The following COLEC12 variants were observed in gnomAD, a reference collection of about 807,000 sequenced individuals.
COLEC12 encodes collectin subfamily member 12, also known as collectin-12.
In COLEC12, 33 loss-of-function variants were observed where a neutral mutation model predicts 71.1. That is an observed-to-expected ratio of 0.46 (90% CI 0.35 to 0.62). The LOEUF (loss-of-function observed/expected upper bound fraction) is 0.62, where lower values mean the gene tolerates loss of function less well. Ranked by LOEUF, COLEC12 falls within the 20% of genes least tolerant of loss-of-function variation. COLEC12 has a pLI of 0.00. For synonymous variants in COLEC12, 350 were observed against 353.0 expected, an observed-to-expected ratio of 0.99 and a Z score of 0.10; for missense variants, 765 against 916.1, an observed-to-expected ratio of 0.84 and a Z score of 2.13.
intron 2 of COLEC12, among the ~76,000 whole-genome samples, chr18:359,654 A>T (rs1914701462): frequency 6.6e-6 from 1 of 152,256 alleles, no homozygotes; most frequent in South Asian, 2.1e-4. Flanking sequence ...TTAGAAACAC[A>T]CACAAGACAA....
At chr18:425,035 T>C (rs1009862291) in intron 2 of COLEC12, among the ~76,000 whole-genome samples, 1 of 152,216 alleles carries the variant, frequency 6.6e-6, no homozygotes, top group Non-Finnish European at 1.5e-5. Flanking sequence ...GTTTTTTTCC[T>C]TCTTCAAATC....
chr18:336,114 C>T (rs1264368842), intron 5 of COLEC12, among the ~76,000 whole-genome samples: 1 of 152,194 alleles, frequency 6.6e-6, no homozygotes, highest in Admixed American at 6.5e-5. Context: ...TGTATTAATT[C>T]TCTCCCCATA....
Position 471,947 on chromosome 18 carries a change from T to TA in COLEC12, c.58+8759dup, listed in dbSNP as rs201026725. Among the ~76,000 whole-genome samples the TA allele has an allele frequency of 6.4e-3, 968 of 151,932 alleles. 8 individuals are homozygous for TA. The highest frequency in any genetic ancestry group is 0.021 in the African/African-American group (871 of 41,436). ...GCCCCTGGGAAAGCTGCTTTGCCTC[T>TA]AAAAAAAAGGCACTGAAACAAAGCC... is the stretch of plus-strand genomic sequence containing the variant. On this transcript the variant is annotated intron_variant, in intron 2 of 9. Coordinates refer to ENST00000400256, the MANE Select transcript of COLEC12 (RefSeq NM_130386.3).
chr18:403,126 A>G (rs1413840422), intron 2 of COLEC12, among the ~76,000 whole-genome samples: 1 of 152,232 alleles, frequency 6.6e-6, no homozygotes, highest in Non-Finnish European at 1.5e-5. Context: ...CATGATACAA[A>G]GGACTTAGCC....
rs536876869 is a variant in COLEC12, at chr18:347,266, C to T, written c.356G>A (p.Arg119His). Residue 119 changes from arginine (R) to histidine (H), a missense_variant, in exon 5 of 10, where the codon CGT becomes CAT. Coordinates refer to ENST00000400256, the MANE Select transcript of COLEC12 (RefSeq NM_130386.3). ...TTCTGTAATCTCACGAAGTTGCTGA[C>T]GGAGATCTAGAATGTCTGATCTGAA... ...STFRSDILDLRQQLREITEKT... is the reference protein window; with the variant it reads ...STFRSDILDLHQQLREITEKT... 4.6e-5 allele frequency: 75 copies of T among 1,614,076 alleles called. No homozygotes were observed. Among genetic ancestry groups the T allele is most frequent in the South Asian group, 3.2e-4 (29 of 91,054 alleles).
At position 463,420 on chromosome 18, in the gene COLEC12, C is replaced by T. The variant is rs950736299; in HGVS notation, c.58+17287G>A. 5.9e-5 allele frequency among the ~76,000 whole-genome samples: 9 copies of T among 152,130 alleles called. No individual in the cohort carries two copies. In the East Asian group the frequency reaches 7.7e-4, roughly 13 times the overall value. On this transcript the variant is annotated intron_variant, in intron 2 of 9. Coordinates refer to ENST00000400256, the MANE Select transcript of COLEC12 (RefSeq NM_130386.3). ...GCCAGAACCAACTAATTCAGAAGATCTATATCAATTAAAATCAAGAAAGTA... is the reference window on the plus strand; with the variant it reads ...GCCAGAACCAACTAATTCAGAAGATTTATATCAATTAAAATCAAGAAAGTA...
chr18:363,594 G>A (rs1323459008), intron 2 of COLEC12, among the ~76,000 whole-genome samples: 1 of 152,004 alleles, frequency 6.6e-6, no homozygotes, highest in Non-Finnish European at 1.5e-5. Flanking sequence ...GAATGATTTG[G>A]CTCTAACAGT....
chr18:444,341 G>A (rs967755367), intron 2 of COLEC12, among the ~76,000 whole-genome samples: 1 of 152,114 alleles, frequency 6.6e-6, no homozygotes, highest in Non-Finnish European at 1.5e-5. Flanking sequence ...ACCATACTTT[G>A]GAGATCACTG....
chr18:408,931 C>T lies in COLEC12; in HGVS notation c.59-51409G>A, dbSNP rs967598365. On this transcript the variant is annotated intron_variant, in intron 2 of 9. Transcript: ENST00000400256. The surrounding 1 kb of genome is among the most constrained non-coding windows in gnomAD (Gnocchi z 4.3). ...CACTGCAACCTCCACCTCTGGGGTT[C>T]AAGTGATTCTCATGCCTCAGACTCC... 7.2e-5 allele frequency among the ~76,000 whole-genome samples: 11 copies of T among 152,046 alleles called. No homozygotes were observed. The highest frequency in any genetic ancestry group is 1.3e-4 in the Non-Finnish European group (9 of 68,002).
intron 2 of COLEC12, among the ~76,000 whole-genome samples, chr18:442,728 A>G (rs937556505): frequency 9.8e-5 from 15 of 152,324 alleles, no homozygotes; most frequent in South Asian, 4.1e-4. Context: ...TTGGGAGGCC[A>G]AGGCAGGCGG....
At chr18:441,990 A>ACT (rs199965842) in intron 2 of COLEC12, among the ~76,000 whole-genome samples, 2 of 128,094 alleles carry the variant, frequency 1.6e-5, no homozygotes, top group Non-Finnish European at 3.3e-5. Flanking sequence ...ACAGAGTGAG[A>ACT]CTCTCTCTCT....
At chr18:322,212 A>ACACG (rs1913724414) in intron 8 of COLEC12, among the ~76,000 whole-genome samples, 1 of 151,908 alleles carries the variant, frequency 6.6e-6, no homozygotes, top group Non-Finnish European at 1.5e-5. Flanking sequence ...ACACACACAC[A>ACACG]CACGCACACA....
intron 8 of COLEC12, among the ~76,000 whole-genome samples, chr18:330,635 G>T (rs1407914491): frequency 6.6e-6 from 1 of 152,068 alleles, no homozygotes; most frequent in African/African-American, 2.4e-5. Context: ...TTAGATCTTT[G>T]GGTAGAATTA....
chr18:439,495 A>ATTCTTTT (rs1230427799), intron 2 of COLEC12, among the ~76,000 whole-genome samples: 1 of 54,784 alleles, frequency 1.8e-5, no homozygotes, highest in East Asian at 5.4e-4. Context: ...AGAAGCAGAG[A>ATTCTTTT]TTCTTTTTTT....
At chr18:497,381 GGGGT>G (rs1438845111) in intron 1 of COLEC12, among the ~76,000 whole-genome samples, 12 of 112,210 alleles carry the variant, frequency 1.1e-4, no homozygotes, top group African/African-American at 4.2e-4. Flanking sequence ...GCTAAAGAAT[GGGGT>G]GTGTGTGTGT....
chr18:345,128 ATTCTC>A (rs1914342466), intron 5 of COLEC12, among the ~76,000 whole-genome samples: 1 of 152,164 alleles, frequency 6.6e-6, no homozygotes, highest in South Asian at 2.1e-4. Flanking sequence ...ATGCCCTGAA[ATTCTC>A]TTTATGTTAA....
chr18:382,378 T>C (rs1204153564), intron 2 of COLEC12, among the ~76,000 whole-genome samples: 3 of 152,248 alleles, frequency 2.0e-5, no homozygotes, highest in South Asian at 2.1e-4. Context: ...CTACTTTATA[T>C]AGTAAATTTA....
chr18:484,647 A>C (rs1296804419), intron 1 of COLEC12, among the ~76,000 whole-genome samples: 2 of 152,210 alleles, frequency 1.3e-5, no homozygotes, highest in South Asian at 2.1e-4. Context: ...TTGGAAATTC[A>C]TAATGGTTTT....
At chr18:487,274 G>A (rs761290449) in intron 1 of COLEC12, among the ~76,000 whole-genome samples, 23 of 152,346 alleles carry the variant, frequency 1.5e-4, no homozygotes, top group Non-Finnish European at 2.5e-4. Flanking sequence ...CATTAGCAAA[G>A]TCTAGATTCA....
Sources: gnomAD v4.1 joint callset for allele counts (sites outside exome capture counted in the v4.1 genomes callset) on GRCh38, gnomAD v4.1.1 for gene constraint, Gnocchi (gnomAD v3.1) non-coding constraint, MANE v1.5 for transcripts, NCBI Gene and HGNC (gene_info 2026-07-23, HGNC 2026-07-21) for gene names.